The following CYP1A2 variants were observed in gnomAD, a reference collection of about 807,000 sequenced individuals.
CYP1A2 encodes cytochrome P450 1A2.
A neutral mutation model predicts 34.7 loss-of-function variants in CYP1A2; 35 were observed. The ratio of observed to expected loss-of-function variants is 1.01; its 90% CI spans 0.77 to 1.34. The LOEUF is 1.34. CYP1A2 is among the 40% of genes most tolerant of loss of function. The probability of loss-of-function intolerance (pLI) is 0.00; values close to 1 mark genes in which losing one functional copy is unlikely to be tolerated. For synonymous variants in CYP1A2, 288 were observed against 281.9 expected, an observed-to-expected ratio of 1.02 and a Z score of -0.22; for missense variants, 675 against 675.8, an observed-to-expected ratio of 1.00 and a Z score of 0.01.
intron 5 of CYP1A2, among the ~76,000 whole-genome samples, chr15:74,752,947 G>A (rs2960194): frequency 1.4e-5 from 2 of 144,568 alleles, no homozygotes; most frequent in African/African-American, 5.2e-5. Flanking sequence ...TGGCTCCAGA[G>A]AACAGCCAAG....
In CYP1A2 at chr15:74,750,462, C is replaced by A; in HGVS notation, c.724C>A (p.Leu242Ile). 1.2e-6 allele frequency: 2 copies of A among 1,614,188 alleles called. No homozygotes were observed. The highest frequency in any genetic ancestry group is 1.7e-6 in the Non-Finnish European group (2 of 1,180,038). The change falls in exon 2 of 7, where the codon CTT (leucine) becomes ATT (isoleucine). Residue 242 changes from leucine to isoleucine, a missense_variant. Physicochemically the swap from Leu to Ile is conservative, Grantham distance 5 (BLOSUM62 2). Transcript: ENST00000343932. ...GAACCCCCTGGACTTCTTCCCCATC[C>A]TTCGCTACCTGCCTAACCCTGCCCT... ...SGNPLDFFPI[L>I]RYLPNPALQR...
Position 74,750,513 on chromosome 15 carries a change from AG to A in CYP1A2, c.777del (p.Arg259SerfsTer76), listed in dbSNP as rs747838338. The A allele has an allele frequency of 6.2e-7, 1 of 1,613,988 alleles. No homozygotes were observed. The highest frequency in any genetic ancestry group is 2.2e-5 in the East Asian group (1 of 44,888). Reference protein sequence around the residue: ...ALQRFKAFNQRFLWFLQKTVQ... With the variant: ...ALQRFKAFNQXFLWFLQKTVQ... ...GCAGAGGTTCAAGGCCTTCAACCAG[AG>A]GTTCCTGTGGTTCCTGCAGAAAACA... On this transcript the variant is annotated frameshift_variant, in exon 2 of 7. Coordinates refer to ENST00000343932, the MANE Select transcript of CYP1A2 (RefSeq NM_000761.5). LOFTEE classifies it high-confidence loss of function.
At chr15:74,750,880 A>AC (rs1361317098) in intron 2 of CYP1A2, among the ~76,000 whole-genome samples, 1 of 152,042 alleles carries the variant, frequency 6.6e-6, no homozygotes, top group Non-Finnish European at 1.5e-5. Context: ...AGAAACCTAA[A>AC]CCCCAACAGA....
intron 1 of CYP1A2, 145 bp from the exon 2 acceptor site, chr15:74,749,585 A>G (rs1417642751): frequency 1.8e-5 from 12 of 666,324 alleles, no homozygotes; most frequent in Non-Finnish European, 2.8e-5. Flanking sequence ...CCCAGGACGC[A>G]TGGTAGATGG....
chr15:74,750,945 T>C (rs1266805679), intron 2 of CYP1A2, among the ~76,000 whole-genome samples: 1 of 152,148 alleles, frequency 6.6e-6, no homozygotes, highest in Non-Finnish European at 1.5e-5. Flanking sequence ...ACTAACCTTT[T>C]CCTTCTTTGA....
intron 6 of CYP1A2, among the ~76,000 whole-genome samples, chr15:74,754,416 C>A (rs1270796689): frequency 6.9e-6 from 1 of 144,686 alleles, no homozygotes. Context: ...ACCAGTGAAA[C>A]CCCGTCTCTG....
chr15:74,749,889 C>T lies in CYP1A2; in HGVS notation c.151C>T (p.Leu51Phe), dbSNP rs745706596. 3.7e-6 allele frequency: 6 copies of T among 1,609,022 alleles called. No individual in the cohort carries two copies. Among genetic ancestry groups the T allele is most frequent in the East Asian group, 2.2e-5 (1 of 44,710 alleles). ...ACCAGAGCCATGGGGCTGGCCCTTG[C>T]TCGGGCATGTGCTGACCCTGGGGAA... Reference protein sequence around the residue: ...SPPEPWGWPLLGHVLTLGKNP... With the variant: ...SPPEPWGWPLFGHVLTLGKNP... Residue 51 changes from leucine (L) to phenylalanine (F), a missense_variant, in exon 2 of 7, where the codon CTC becomes TTC. Coordinates refer to ENST00000343932, the MANE Select transcript of CYP1A2 (RefSeq NM_000761.5).
Position 74,751,799 on chromosome 15 carries a change from C to T in CYP1A2, c.987C>T (p.Ser329=). 1 of 1,614,178 alleles carries T rather than the reference C, an allele frequency of 6.2e-7. No homozygotes were observed. Among genetic ancestry groups the T allele is most frequent in the South Asian group, 1.1e-5 (1 of 91,082 alleles). Residue 329 remains serine, a synonymous_variant, in exon 4 of 7, where the codon AGC becomes AGT. Transcript: ENST00000343932. ...CAGTCACCACAGCCATCTCCTGGAG[C>T]CTCATGTACCTTGTGACCAAGCCTG... ...FDTVTTAISW[S]LMYLVTKPEI... is the part of the protein sequence containing the mutation.
At chr15:74,754,066 C>T (rs1300042402) in intron 6 of CYP1A2, among the ~76,000 whole-genome samples, 1 of 152,026 alleles carries the variant, frequency 6.6e-6, no homozygotes, top group African/African-American at 2.4e-5. Flanking sequence ...TTCTTTCTTC[C>T]TTTCACTTTA....
rs1374100939 is a variant in CYP1A2 at position 74,750,544 on chromosome 15, A to G, written c.806A>G (p.Gln269Arg). 1 of 1,614,038 alleles carries G rather than the reference A, an allele frequency of 6.2e-7. No individual in the cohort carries two copies. Among genetic ancestry groups the G allele is most frequent in the Admixed American group, 1.7e-5 (1 of 60,016 alleles). ...CTGTGGTTCCTGCAGAAAACAGTCCAGGAGCACTATCAGGACTTTGACAAG... is the reference window on the plus strand; with the variant it reads ...CTGTGGTTCCTGCAGAAAACAGTCCGGGAGCACTATCAGGACTTTGACAAG... ...RFLWFLQKTV[Q>R]EHYQDFDKNS... The change falls in exon 2 of 7, where the codon CAG becomes CGG. Residue 269 changes from glutamine (Q) to arginine (R), a missense_variant. Gln to Arg is a conservative substitution (Grantham distance 43). Transcript: ENST00000343932.
In CYP1A2 at chr15:74,754,827, G is replaced by A. The variant is rs1426774448; in HGVS notation, c.1290G>A (p.Glu430=). ...LWEDPSEFRP[E]RFLTADGTAI... is the part of the protein sequence containing the mutation. ...AGGACCCCTCTGAGTTCCGGCCTGA[G>A]CGGTTCCTCACCGCCGATGGCACTG... is the stretch of plus-strand genomic sequence containing the variant. The change falls in exon 7 of 7, where the codon GAG becomes GAA. Residue 430 remains glutamate (E), a synonymous_variant. Transcript: ENST00000343932. 3.1e-6 allele frequency: 5 copies of A among 1,614,010 alleles called. No individual in the cohort carries two copies. Among genetic ancestry groups the A allele is most frequent in the African/African-American group, 1.3e-5 (1 of 74,918 alleles).
chr15:74,755,777 T>C lies in CYP1A2; in HGVS notation c.*689T>C, dbSNP rs2063335826. On this transcript the variant is annotated 3_prime_UTR_variant, in exon 7 of 7. Coordinates refer to ENST00000343932, the MANE Select transcript of CYP1A2 (RefSeq NM_000761.5). ...TTACATTCTTAAAGTGTCGAATGAC[T>C]TCTAGTGTAGAATTGTGCAACCATC... 6.6e-6 allele frequency: 1 copy of C among 152,144 alleles called. No individual in the cohort carries two copies. Among genetic ancestry groups the C allele is most frequent in the South Asian group, 2.1e-4 (1 of 4,824 alleles). The allele number at this position is 152,144 out of a possible 1,614,324, so 9.4% of individuals were successfully genotyped here. A position where few individuals can be genotyped will look rare whatever the true frequency, so the allele number is the denominator to read the frequency against.
In CYP1A2 at chr15:74,750,574, G is replaced by T. The variant is rs905891949; in HGVS notation, c.831+5G>T. 2 of 1,610,958 alleles carry T rather than the reference G, an allele frequency of 1.2e-6. No homozygotes were observed. The highest frequency in any genetic ancestry group is 2.7e-5 in the African/African-American group (2 of 74,952). ...CACTATCAGGACTTTGACAAGGTGAGCCCGGGGTGCAGGTGGCAAGGGGCA... is the reference window on the plus strand; with the variant it reads ...CACTATCAGGACTTTGACAAGGTGATCCCGGGGTGCAGGTGGCAAGGGGCA... On this transcript the variant is annotated splice_donor_5th_base_variant and intron_variant, in intron 2 of 6. Coordinates refer to ENST00000343932, the MANE Select transcript of CYP1A2 (RefSeq NM_000761.5).
At chr15:74,751,459 G>A in intron 3 of CYP1A2, 150 bp downstream of exon 3, 1 of 1,239,718 alleles carries the variant, frequency 8.1e-7, no homozygotes, top group East Asian at 2.4e-5. Context: ...GTTTGAGCCT[G>A]GGCTATGCCA....
At chr15:74,753,356 T>C (rs2141740432) in intron 6 of CYP1A2, 86 bp downstream of exon 6, 1 of 1,085,134 alleles carries the variant, frequency 9.2e-7, no homozygotes, top group East Asian at 2.5e-5. Context: ...GTTTATATAA[T>C]GAAAGGAGGG....
Position 74,750,207 on chromosome 15 carries a change from T to A in CYP1A2, c.469T>A (p.Ser157Thr). 6.2e-7 allele frequency: 1 copy of A among 1,614,098 alleles called. No individual in the cohort carries two copies. The highest frequency in any genetic ancestry group is 8.5e-7 in the Non-Finnish European group (1 of 1,180,022). ...FSIASDPASS[S>T]SCYLEEHVSK... is the part of the protein sequence containing the mutation. The stretch of plus-strand genomic sequence containing the variant: ...CATCGCCTCTGACCCAGCTTCCTCA[T>A]CCTCCTGCTACCTGGAGGAGCATGT... The change falls in exon 2 of 7, where the codon TCC becomes ACC. Residue 157 changes from serine to threonine, a missense_variant. Coordinates refer to ENST00000343932, the MANE Select transcript of CYP1A2 (RefSeq NM_000761.5).
Position 74,755,230 on chromosome 15 carries a change from C to A in CYP1A2, c.*142C>A. Reference sequence around the variant, plus strand: ...CTGTAATCCCAGCATTTTAGGAGGCCAAGGTTGGAGGATCATTTGAGCCCA... The same window carrying A: ...CTGTAATCCCAGCATTTTAGGAGGCAAAGGTTGGAGGATCATTTGAGCCCA... On this transcript the variant is annotated 3_prime_UTR_variant, in exon 7 of 7. Coordinates refer to ENST00000343932, the MANE Select transcript of CYP1A2 (RefSeq NM_000761.5). 1 of 937,122 alleles carries A rather than the reference C, an allele frequency of 1.1e-6. No homozygotes were observed. 58.1% of individuals were successfully genotyped at this position (937,122 alleles called of 1,614,324 possible). A position where few individuals can be genotyped will look rare whatever the true frequency, so the allele number is the denominator to read the frequency against.
In CYP1A2 at chr15:74,755,396, T is replaced by C. The variant is rs1419668146; in HGVS notation, c.*308T>C. On this transcript the variant is annotated 3_prime_UTR_variant, in exon 7 of 7. Coordinates refer to ENST00000343932, the MANE Select transcript of CYP1A2 (RefSeq NM_000761.5). ...AAAAAAAAAACCATATATATACATA[T>C]ATATATAGCAGCTTTATGGAGATAT... 4.8e-6 allele frequency: 1 copy of C among 207,638 alleles called. No homozygotes were observed. Among genetic ancestry groups the C allele is most frequent in the Non-Finnish European group, 9.5e-6 (1 of 105,192 alleles). The allele number at this position is 207,638 out of a possible 1,614,324, so 12.9% of individuals were successfully genotyped here.
Position 74,751,800 on chromosome 15 carries a change from C to T in CYP1A2, c.988C>T (p.Leu330Phe). The change falls in exon 4 of 7, where the codon CTC (leucine) becomes TTC (phenylalanine). Residue 330 changes from leucine (L) to phenylalanine (F), a missense_variant. By Grantham distance (22) the Leu-to-Phe change is conservative. Transcript: ENST00000343932. ...DTVTTAISWS[L>F]MYLVTKPEIQ... ...AGTCACCACAGCCATCTCCTGGAGC[C>T]TCATGTACCTTGTGACCAAGCCTGA... The T allele has an allele frequency of 6.2e-7, 1 of 1,614,180 alleles. No homozygotes were observed. The highest frequency in any genetic ancestry group is 8.5e-7 in the Non-Finnish European group (1 of 1,180,012).
Sources: gnomAD v4.1 joint callset for allele counts (sites outside exome capture counted in the v4.1 genomes callset) on GRCh38, gnomAD v4.1.1 for gene constraint, MANE v1.5 for transcripts, NCBI Gene and HGNC (gene_info 2026-07-23, HGNC 2026-07-21) for gene names.